The following DDHD1 variants were observed in gnomAD, a reference collection of about 807,000 sequenced individuals.
DDHD1 encodes the protein phospholipase DDHD1.
Under a neutral mutation model 96.4 loss-of-function variants are expected in DDHD1, and 49 were observed. The observed-to-expected ratio is 0.51, with a 90% CI of 0.40 to 0.64. The LOEUF is 0.64. Ranked by LOEUF, DDHD1 falls within the 30% of genes least tolerant of loss-of-function variation. The pLI is 0.00. For synonymous variants in DDHD1, 442 were observed against 446.5 expected (o/e 0.99, Z 0.13); for missense variants, 1,106 against 1,161.2 (o/e 0.95, Z 0.69).
intron 6 of DDHD1, among the ~76,000 whole-genome samples, chr14:53,072,206 T>G (rs1253339404): frequency 6.6e-6 from 1 of 152,072 alleles, no homozygotes; most frequent in African/African-American, 2.4e-5. Flanking sequence ...TTGGGAGACA[T>G]CAGCTCCACT....
Position 53,127,120 on chromosome 14 carries a change from A to G in DDHD1, c.839-23264T>C, listed in dbSNP as rs532242720. Among the ~76,000 whole-genome samples, 4 of 152,354 alleles carry G rather than the reference A, an allele frequency of 2.6e-5. No homozygotes were observed. In the South Asian group the frequency reaches 8.3e-4, roughly 32 times the overall value. On this transcript the variant is annotated intron_variant, in intron 1 of 12. Coordinates refer to ENST00000673822, the MANE Select transcript of DDHD1 (RefSeq NM_001160148.2). ...AAGCAGAAGAAACACTTAAGAAACTAAAGTTACCAGACAATTGAGAAATTT... is the reference window on the plus strand; with the variant it reads ...AAGCAGAAGAAACACTTAAGAAACTGAAGTTACCAGACAATTGAGAAATTT...
intron 1 of DDHD1, among the ~76,000 whole-genome samples, chr14:53,114,231 G>A (rs923080557): frequency 3.9e-5 from 6 of 152,234 alleles, no homozygotes; most frequent in Non-Finnish European, 7.3e-5. Flanking sequence ...GGGGCTTACA[G>A]ATAAAACTCT....
In DDHD1 at chr14:53,045,493, G is replaced by A. The variant is rs1359688531; in HGVS notation, c.*1275C>T. On this transcript the variant is annotated 3_prime_UTR_variant, in exon 13 of 13. Transcript: ENST00000673822. ...CCCATCTTGGCCTCCCGAAGTGTTG[G>A]GATTACAGGCGTGAACCACGGTGAC... 1.3e-5 allele frequency: 2 copies of A among 152,150 alleles called. No homozygotes were observed. Among genetic ancestry groups the A allele is most frequent in the African/African-American group, 4.8e-5 (2 of 41,416 alleles). 9.4% of individuals were successfully genotyped at this position (152,150 alleles called of 1,614,324 possible).
chr14:53,038,829 A>G lies in DDHD1; in HGVS notation c.*7939T>C, dbSNP rs551601891. 30 of 152,340 alleles carry G rather than the reference A, an allele frequency of 2.0e-4. 1 individual carries two copies. Among genetic ancestry groups the G allele is most frequent in the African/African-American group, 6.7e-4 (28 of 41,582 alleles). The allele number at this position is 152,340 out of a possible 1,614,324, so 9.4% of individuals were successfully genotyped here. A position where few individuals can be genotyped will look rare whatever the true frequency, so the allele number is the denominator to read the frequency against. On this transcript the variant is annotated 3_prime_UTR_variant, in exon 13 of 13. Transcript: ENST00000673822. The stretch of plus-strand genomic sequence containing the variant: ...AACCAAAACAGCACGGCACTGGTAC[A>G]ATAACAGACACGTAGACCAATGGAA...
intron 1 of DDHD1, among the ~76,000 whole-genome samples, chr14:53,122,291 C>T (rs1889054168): frequency 6.6e-6 from 1 of 152,160 alleles, no homozygotes; most frequent in African/African-American, 2.4e-5. Flanking sequence ...TGTAACTCCC[C>T]TTGGACTACT....
intron 1 of DDHD1, among the ~76,000 whole-genome samples, chr14:53,132,879 C>T (rs1889978618): frequency 6.6e-6 from 1 of 151,846 alleles, no homozygotes; most frequent in Admixed American, 6.6e-5. Flanking sequence ...AACTTCTGTC[C>T]CTCATGGCCA....
intron 2 of DDHD1, among the ~76,000 whole-genome samples, chr14:53,101,349 A>G (rs1029956896): frequency 1.3e-5 from 2 of 152,152 alleles, no homozygotes; most frequent in Non-Finnish European, 2.9e-5. Context: ...ATATAAATAT[A>G]TGTTTAATAT....
intron 1 of DDHD1, among the ~76,000 whole-genome samples, chr14:53,149,490 C>T (rs1264330299): frequency 6.6e-6 from 1 of 152,102 alleles, no homozygotes; most frequent in Non-Finnish European, 1.5e-5. Flanking sequence ...GGGGACTGGA[C>T]CCTCCTAGAA....
intron 12 of DDHD1, among the ~76,000 whole-genome samples, chr14:53,048,148 T>C (rs1025586911): frequency 1.3e-5 from 2 of 152,190 alleles, no homozygotes; most frequent in African/African-American, 4.8e-5. Context: ...GACAATACCA[T>C]TTGGTAATTT....
chr14:53,062,363 T>C (rs557996552), intron 7 of DDHD1, among the ~76,000 whole-genome samples: 3 of 152,070 alleles, frequency 2.0e-5, no homozygotes, highest in Non-Finnish European at 4.4e-5. Context: ...ATTAATCATA[T>C]AAAGAGAACA....
intron 2 of DDHD1, chr14:53,096,162 T>C (rs1208443210): frequency 2.0e-6 from 2 of 985,120 alleles, no homozygotes; most frequent in African/African-American, 3.5e-5. Flanking sequence ...GTACTCTCCT[T>C]ATATCTTCTC....
At chr14:53,109,653 T>C (rs1299594934) in intron 1 of DDHD1, among the ~76,000 whole-genome samples, 1 of 152,112 alleles carries the variant, frequency 6.6e-6, no homozygotes, top group Non-Finnish European at 1.5e-5. Flanking sequence ...TGCGGAGAGA[T>C]TTAGATTTGG....
Position 53,152,485 on chromosome 14 carries a change from G to A in DDHD1, c.614C>T (p.Pro205Leu), listed in dbSNP as rs533899454. ...RTLLQTTGAR[P>L]QGGDRDGDHV... ...GTCGCCGTCCCGGTCCCCGCCCTGGGGCCGGGCACCCGTGGTCTGCAGCAG... is the reference window on the plus strand; with the variant it reads ...GTCGCCGTCCCGGTCCCCGCCCTGGAGCCGGGCACCCGTGGTCTGCAGCAG... Residue 205 changes from proline to leucine, a missense_variant, in exon 1 of 13, where the codon CCC becomes CTC. Physicochemically the swap from Pro to Leu is moderately conservative, Grantham distance 98. This residue lies in a region of DDHD1 where 456 missense variants were observed against 402.4 expected (regional missense o/e 1.13). Transcript: ENST00000673822. 269 of 1,613,070 alleles carry A rather than the reference G, an allele frequency of 1.7e-4. 1 individual carries two copies. The South Asian group carries it at 2.8e-3, about 17-fold the overall frequency.
intron 2 of DDHD1, among the ~76,000 whole-genome samples, chr14:53,097,945 C>T (rs1233625668): frequency 6.6e-6 from 1 of 151,836 alleles, no homozygotes; most frequent in African/African-American, 2.4e-5. Flanking sequence ...TCTTTCTTTT[C>T]AAATGTAATT....
At chr14:53,089,063 C>T (rs1317216261) in intron 4 of DDHD1, among the ~76,000 whole-genome samples, 1 of 152,138 alleles carries the variant, frequency 6.6e-6, no homozygotes, top group Non-Finnish European at 1.5e-5. Flanking sequence ...CTCCCATTCA[C>T]AATTGCTTCA....
At chr14:53,149,105 C>T (rs1273455013) in intron 1 of DDHD1, among the ~76,000 whole-genome samples, 1 of 146,518 alleles carries the variant, frequency 6.8e-6, no homozygotes, top group Admixed American at 6.6e-5. Context: ...AATATTGCTC[C>T]TCATTAATAG....
At chr14:53,096,116 C>T (rs1566561614) in intron 2 of DDHD1, 1 of 981,584 alleles carries the variant, frequency 1.0e-6, no homozygotes, top group African/African-American at 1.7e-5. Flanking sequence ...AATTACTGTA[C>T]CTTGGGAATG....
At chr14:53,141,061 T>C (rs1555343035) in intron 1 of DDHD1, among the ~76,000 whole-genome samples, 1 of 152,180 alleles carries the variant, frequency 6.6e-6, no homozygotes, top group Non-Finnish European at 1.5e-5. Flanking sequence ...AGCTTCAAAA[T>C]ACATGAAGCA....
chr14:53,129,839 C>T lies in DDHD1; in HGVS notation c.838+22422G>A, dbSNP rs1889731875. ...CAAACTTGATAATGGCTCTAAATGG[C>T]CAGAAAACGGCACTTTTGATTTCTC... On this transcript the variant is annotated intron_variant, in intron 1 of 12. Transcript: ENST00000673822. Among the ~76,000 whole-genome samples the T allele has an allele frequency of 2.0e-5, 3 of 152,126 alleles. No individual in the cohort carries two copies. The South Asian group carries it at 6.2e-4, about 32-fold the overall frequency.
Sources: allele counts gnomAD v4.1 joint callset (sites outside exome capture counted in the v4.1 genomes callset), GRCh38; gene constraint gnomAD v4.1.1; regional missense constraint gnomAD v4.1.1; transcripts MANE v1.5; gene names NCBI Gene and HGNC (gene_info 2026-07-23, HGNC 2026-07-21).